The following CADM2 variants were observed in gnomAD, a reference collection of about 807,000 sequenced individuals.
CADM2 encodes the protein cell adhesion molecule 2.
A neutral mutation model predicts 49.8 loss-of-function variants in CADM2; 12 were observed. That is an observed-to-expected ratio of 0.24 (90% CI 0.15 to 0.39). The LOEUF is 0.39. CADM2 is among the 10% of genes least tolerant of loss of function. CADM2 has a pLI of 1.00. For missense variants in CADM2, 378 were observed against 492.3 expected (o/e 0.77, Z 2.20); for synonymous variants, 214 against 175.4 (o/e 1.22, Z -1.74).
intron 3 of CADM2, among the ~76,000 whole-genome samples, chr3:85,856,447 A>G (rs1380046587): frequency 6.6e-6 from 1 of 152,168 alleles, no homozygotes; most frequent in Non-Finnish European, 1.5e-5. Flanking sequence ...TAATTACCTA[A>G]GTTGATTGAA....
intron 1 of CADM2, among the ~76,000 whole-genome samples, chr3:85,376,169 A>T (rs1281928249): frequency 1.3e-5 from 2 of 151,352 alleles, no homozygotes; most frequent in African/African-American, 4.9e-5. Context: ...GAGTACTCTT[A>T]AAAGGCAAAC....
intron 1 of CADM2, among the ~76,000 whole-genome samples, chr3:85,494,883 C>T (rs890304587): frequency 1.4e-4 from 22 of 152,104 alleles, no homozygotes; most frequent in Non-Finnish European, 1.9e-4. Flanking sequence ...TGTCACAATG[C>T]GGATGAAAAC....
At chr3:85,657,142 C>T (rs2065225113) in intron 1 of CADM2, among the ~76,000 whole-genome samples, 1 of 152,156 alleles carries the variant, frequency 6.6e-6, no homozygotes, top group Non-Finnish European at 1.5e-5. Flanking sequence ...ATTTCTCTCT[C>T]CTTCTTTGAA....
intron 8 of CADM2, among the ~76,000 whole-genome samples, chr3:86,001,939 G>T (rs956167310): frequency 9.2e-5 from 14 of 152,022 alleles, no homozygotes; most frequent in African/African-American, 3.4e-4. Context: ...ATGGGACTTG[G>T]TATGGAGGAT....
intron 5 of CADM2, among the ~76,000 whole-genome samples, chr3:85,888,559 A>G (rs949676629): frequency 1.3e-5 from 2 of 152,286 alleles, no homozygotes; most frequent in Non-Finnish European, 2.9e-5. Flanking sequence ...ATGCACTGCC[A>G]TTTACAGAGC....
chr3:85,309,238 C>T (rs2044285923), intron 1 of CADM2, among the ~76,000 whole-genome samples: 1 of 152,078 alleles, frequency 6.6e-6, no homozygotes, highest in Admixed American at 6.6e-5. Flanking sequence ...CTCTGAAGAC[C>T]TGAGATGAAT....
In CADM2 at chr3:86,070,342, A is replaced by ATCAC. The variant is rs1047718465; in HGVS notation, c.*3559_*3560insTCAC. On this transcript the variant is annotated 3_prime_UTR_variant, in exon 10 of 10. Coordinates refer to ENST00000383699, the MANE Select transcript of CADM2 (RefSeq NM_001167675.2). ...GGCACATGTATAGCAGCTGTTTGAC[A>ATCAC]GTGATGGCTCTTCCATGTAACATAG... The ATCAC allele has an allele frequency of 2.0e-5, 3 of 151,990 alleles. No individual in the cohort carries two copies. Among genetic ancestry groups the ATCAC allele is most frequent in the Non-Finnish European group, 4.4e-5 (3 of 67,888 alleles). 9.4% of individuals were successfully genotyped at this position (151,990 alleles called of 1,614,324 possible). A position where few individuals can be genotyped will look rare whatever the true frequency, so the allele number is the denominator to read the frequency against.
intron 1 of CADM2, among the ~76,000 whole-genome samples, chr3:85,446,597 G>GTTTTTTTTTT (rs1447208577): frequency 7.4e-5 from 8 of 107,610 alleles, no homozygotes; most frequent in African/African-American, 1.4e-4. Context: ...AGTTTTTTTT[G>GTTTTTTTTTT]TTTTTTGTTT....
chr3:85,375,695 T>C (rs1172637681), intron 1 of CADM2, among the ~76,000 whole-genome samples: 1 of 152,134 alleles, frequency 6.6e-6, no homozygotes, highest in African/African-American at 2.4e-5. Context: ...TCAACTGATT[T>C]CTTGTGTATT....
intron 3 of CADM2, among the ~76,000 whole-genome samples, chr3:85,821,765 T>A (rs2073586584): frequency 6.6e-6 from 1 of 152,094 alleles, no homozygotes; most frequent in Admixed American, 6.6e-5. Flanking sequence ...TCTCTATATA[T>A]CAAGCACAAA....
At chr3:85,709,026 A>G in intron 1 of CADM2, among the ~76,000 whole-genome samples, 1 of 152,120 alleles carries the variant, frequency 6.6e-6, no homozygotes, top group East Asian at 1.9e-4. Flanking sequence ...ATTACCCAAT[A>G]ATATTCTCTT....
At chr3:85,231,470 A>C (rs1307568387) in intron 1 of CADM2, among the ~76,000 whole-genome samples, 1 of 152,090 alleles carries the variant, frequency 6.6e-6, no homozygotes, top group Non-Finnish European at 1.5e-5. Flanking sequence ...ATAAGAGAAA[A>C]AAGGAAAACT....
intron 2 of CADM2, among the ~76,000 whole-genome samples, chr3:85,770,673 T>C (rs1427326490): frequency 2.0e-5 from 3 of 152,118 alleles, no homozygotes; most frequent in African/African-American, 7.2e-5. Context: ...TATGTGAGAA[T>C]TTTGTCTAGA....
chr3:85,113,980 T>A (rs1309651084), intron 1 of CADM2, among the ~76,000 whole-genome samples: 1 of 152,072 alleles, frequency 6.6e-6, no homozygotes, highest in Non-Finnish European at 1.5e-5. Context: ...CCTTCTAAGC[T>A]AAATAATTAA....
intron 1 of CADM2, among the ~76,000 whole-genome samples, chr3:85,193,123 G>A (rs72909188): frequency 0.066 from 10,048 of 152,028 alleles, 1,092 homozygotes; most frequent in African/African-American, 0.23. Context: ...AGGAAGTCTT[G>A]ATATGACAGA....
At chr3:85,467,936 C>T (rs2038577135) in intron 1 of CADM2, among the ~76,000 whole-genome samples, 1 of 151,922 alleles carries the variant, frequency 6.6e-6, no homozygotes. Context: ...GGGCGGATCA[C>T]GAGGTCAGGA....
At chr3:85,050,429 C>G (rs566754363) in intron 1 of CADM2, among the ~76,000 whole-genome samples, 1 of 152,064 alleles carries the variant, frequency 6.6e-6, no homozygotes, top group African/African-American at 2.4e-5. Context: ...TGGACCAGAA[C>G]AAAATGCAGC....
chr3:85,650,519 A>T (rs1325365586), intron 1 of CADM2, among the ~76,000 whole-genome samples: 2 of 151,450 alleles, frequency 1.3e-5, no homozygotes, highest in Non-Finnish European at 2.9e-5. Flanking sequence ...AAAAAAAAAA[A>T]ACCTCCAAAG....
At chr3:86,038,685 T>G (rs1051818583) in intron 8 of CADM2, among the ~76,000 whole-genome samples, 2 of 152,220 alleles carry the variant, frequency 1.3e-5, no homozygotes, top group Admixed American at 6.5e-5. Flanking sequence ...TAGAACAAGA[T>G]GGGTGAACCC....
Sources: gnomAD v4.1 joint callset for allele counts (sites outside exome capture counted in the v4.1 genomes callset) on GRCh38, gnomAD v4.1.1 for gene constraint, MANE v1.5 for transcripts, NCBI Gene and HGNC (gene_info 2026-07-23, HGNC 2026-07-21) for gene names.